CTNNA2: variants seen among roughly 807,000 people sequenced by gnomAD.
The protein encoded by CTNNA2 is catenin alpha 2.
CTNNA2 carries 42 observed loss-of-function variants against 101.0 expected under a neutral mutation model. That is an observed-to-expected ratio of 0.42 (90% CI 0.32 to 0.54). CTNNA2 has a LOEUF of 0.54. CTNNA2 is among the 20% of genes least tolerant of loss of function. CTNNA2 has a pLI of 0.14. For missense variants in CTNNA2, 871 were observed against 1,223.1 expected, an observed-to-expected ratio of 0.71 and a Z score of 4.29; for synonymous variants, 450 against 456.4, an observed-to-expected ratio of 0.99 and a Z score of 0.18.
intron 6 of CTNNA2, among the ~76,000 whole-genome samples, chr2:79,895,324 T>A (rs1684627584): frequency 6.6e-6 from 1 of 152,186 alleles, no homozygotes. Context: ...ATAGATGAGT[T>A]TATGCTCAAG....
chr2:79,946,110 A>G (rs1466571764), intron 7 of CTNNA2, among the ~76,000 whole-genome samples: 2 of 152,198 alleles, frequency 1.3e-5, no homozygotes, highest in African/African-American at 2.4e-5. Context: ...TAGAGTGGTC[A>G]GAGCCCCCTG....
intron 7 of CTNNA2, among the ~76,000 whole-genome samples, chr2:80,113,911 T>G (rs1701363757): frequency 6.6e-6 from 1 of 152,236 alleles, no homozygotes; most frequent in Non-Finnish European, 1.5e-5. Flanking sequence ...ATTTCATTAT[T>G]TATACAGGCA....
At chr2:79,208,471 A>G (rs897521190) in intron 2 of CTNNA2, among the ~76,000 whole-genome samples, 5 of 152,178 alleles carry the variant, frequency 3.3e-5, no homozygotes, top group Non-Finnish European at 5.9e-5. Flanking sequence ...TCCGGTTTGA[A>G]ACACTAGAGA....
chr2:79,433,690 A>T (rs1170146444), intron 4 of CTNNA2, among the ~76,000 whole-genome samples: 3 of 151,792 alleles, frequency 2.0e-5, no homozygotes, highest in Non-Finnish European at 4.4e-5. Context: ...GCCAGGACAA[A>T]GGAAACTTGT....
intron 3 of CTNNA2, among the ~76,000 whole-genome samples, chr2:79,764,759 C>CT (rs34215678): frequency 0.054 from 8,191 of 152,098 alleles, 654 homozygotes; most frequent in African/African-American, 0.18. Context: ...TTAAAATTGC[C>CT]TTTTTTTAAA....
intron 7 of CTNNA2, among the ~76,000 whole-genome samples, chr2:80,236,798 T>C (rs1176139956): frequency 1.3e-5 from 2 of 152,194 alleles, no homozygotes; most frequent in African/African-American, 2.4e-5. Context: ...AAGGAAAACA[T>C]TGTGGCTAAT....
intron 7 of CTNNA2, among the ~76,000 whole-genome samples, chr2:80,321,980 G>A (rs1259066329): frequency 2.0e-5 from 3 of 152,020 alleles, no homozygotes; most frequent in Admixed American, 2.0e-4. Flanking sequence ...AGGTTTCAGG[G>A]TAGAGTGGTT....
intron 3 of CTNNA2, among the ~76,000 whole-genome samples, chr2:79,342,367 C>A (rs1180431648): frequency 6.6e-6 from 1 of 152,166 alleles, no homozygotes; most frequent in Non-Finnish European, 1.5e-5. Flanking sequence ...CTGGACTGAG[C>A]AGAGAAGATT....
chr2:79,317,508 A>T (rs1328382770), intron 3 of CTNNA2, among the ~76,000 whole-genome samples: 1 of 152,070 alleles, frequency 6.6e-6, no homozygotes, highest in Non-Finnish European at 1.5e-5. Flanking sequence ...CCAAAGACTT[A>T]CATACTAGTA....
intron 2 of CTNNA2, among the ~76,000 whole-genome samples, chr2:79,225,816 G>A (rs924420535): frequency 5.9e-5 from 9 of 152,164 alleles, no homozygotes; most frequent in Non-Finnish European, 1.2e-4. Flanking sequence ...ACCTATGTGC[G>A]GCTTTTTGCA....
intron 7 of CTNNA2, among the ~76,000 whole-genome samples, chr2:80,132,683 G>A (rs1001832286): frequency 1.3e-5 from 2 of 152,194 alleles, no homozygotes; most frequent in African/African-American, 4.8e-5. Context: ...TGCAGGCATT[G>A]ATGTGAGTAA....
chr2:79,924,146 A>G (rs1429776378), intron 7 of CTNNA2, among the ~76,000 whole-genome samples: 1 of 152,080 alleles, frequency 6.6e-6, no homozygotes, highest in African/African-American at 2.4e-5. Context: ...AAAAAAAAGG[A>G]AATTCTGTCA....
At chr2:80,462,717 A>T (rs1684545167) in intron 9 of CTNNA2, among the ~76,000 whole-genome samples, 1 of 144,544 alleles carries the variant, frequency 6.9e-6, no homozygotes, top group Non-Finnish European at 1.5e-5. Context: ...TCTTGAGAGC[A>T]GCATTCCTGG....
intron 9 of CTNNA2, among the ~76,000 whole-genome samples, chr2:80,528,417 T>C (rs971355207): frequency 1.3e-5 from 2 of 152,094 alleles, no homozygotes; most frequent in East Asian, 1.9e-4. Context: ...AGGATGGTCT[T>C]GATCTCCTGA....
intron 1 of CTNNA2, among the ~76,000 whole-genome samples, chr2:79,514,247 A>G (rs1483184034): frequency 6.6e-6 from 1 of 152,242 alleles, no homozygotes; most frequent in African/African-American, 2.4e-5. Flanking sequence ...CTCAAGTAGG[A>G]TAATGGTTAG....
intron 2 of CTNNA2, among the ~76,000 whole-genome samples, chr2:79,291,734 A>G (rs1471060919): frequency 6.6e-6 from 1 of 152,200 alleles, no homozygotes; most frequent in Non-Finnish European, 1.5e-5. Context: ...TGGCTACATT[A>G]TTTGTGAATA....
chr2:79,478,755 T>C (rs189873133), intron 4 of CTNNA2, among the ~76,000 whole-genome samples: 13 of 152,164 alleles, frequency 8.5e-5, no homozygotes, highest in African/African-American at 2.7e-4. Context: ...ACCTCTACCC[T>C]TTTTGGAATC....
intron 3 of CTNNA2, among the ~76,000 whole-genome samples, chr2:79,764,988 T>TA (rs1673041692): frequency 6.6e-6 from 1 of 152,064 alleles, no homozygotes; most frequent in African/African-American, 2.4e-5. Flanking sequence ...TGAGAGTAAT[T>TA]AGAGGTTATG....
intron 4 of CTNNA2, among the ~76,000 whole-genome samples, chr2:79,865,155 G>A (rs1190102422): frequency 6.6e-6 from 1 of 152,068 alleles, no homozygotes; most frequent in East Asian, 1.9e-4. Context: ...ATCATTCTTT[G>A]CTTCTGATGA....
Sources: gnomAD v4.1 joint callset for allele counts (sites outside exome capture counted in the v4.1 genomes callset) on GRCh38, gnomAD v4.1.1 for gene constraint, MANE v1.5 for transcripts, NCBI Gene and HGNC (gene_info 2026-07-23, HGNC 2026-07-21) for gene names.